The following RRP7A variants were observed in gnomAD, a reference collection of about 807,000 sequenced individuals.
RRP7A encodes ribosomal RNA-processing protein 7 homolog A.
RRP7A carries 27 observed loss-of-function variants against 38.4 expected under a neutral mutation model. That is an observed-to-expected ratio of 0.70 (90% CI 0.52 to 0.97). RRP7A has a LOEUF of 0.97. Ranked by LOEUF, RRP7A falls within the 50% of genes least tolerant of loss-of-function variation. The pLI, the probability that RRP7A is intolerant of heterozygous loss-of-function variation, is 0.00. For missense variants in RRP7A, 327 were observed against 375.4 expected, an observed-to-expected ratio of 0.87 and a Z score of 1.07; for synonymous variants, 124 against 150.3, an observed-to-expected ratio of 0.83 and a Z score of 1.28.
At position 42,510,618 on chromosome 22, in the gene RRP7A, C is replaced by A; in HGVS notation, c.*2292G>T. Reference sequence around the variant, plus strand: ...AGATGAACCCCAACAACCCCCAACTCCTCACTTTCCAGAGCAGTCCACGGA... The same window carrying A: ...AGATGAACCCCAACAACCCCCAACTACTCACTTTCCAGAGCAGTCCACGGA... On this transcript the variant is annotated 3_prime_UTR_variant, in exon 7 of 7. Transcript: ENST00000323013. 2 of 1,154,696 alleles carry A rather than the reference C, an allele frequency of 1.7e-6. No homozygotes were observed. Among genetic ancestry groups the A allele is most frequent in the Non-Finnish European group, 2.4e-6 (2 of 820,268 alleles). The allele number at this position is 1,154,696 out of a possible 1,614,324, so 71.5% of individuals were successfully genotyped here.
chr22:42,514,680 A>C lies in RRP7A; in HGVS notation c.558+2T>G. The C allele has an allele frequency of 1.2e-6, 2 of 1,602,000 alleles. No individual in the cohort carries two copies. ...GCTCGGCCGACCCCGCGGGGCCTCT[A>C]CCTCAGCGATCTTCTGGTCATATGC... On this transcript the variant is annotated splice_donor_variant, in intron 5 of 6. Coordinates refer to ENST00000323013, the MANE Select transcript of RRP7A (RefSeq NM_015703.5). LOFTEE classifies it high-confidence loss of function.
chr22:42,508,489 C>T lies in RRP7A; in HGVS notation c.*4421G>A, dbSNP rs778346187. On this transcript the variant is annotated 3_prime_UTR_variant, in exon 7 of 7. Coordinates refer to ENST00000323013, the MANE Select transcript of RRP7A (RefSeq NM_015703.5). Reference sequence around the variant, plus strand: ...ATCTCACTCAAGCTGGCCACATCCCCGCCATCCAGACGTAAAACAGTCACA... The same window carrying T: ...ATCTCACTCAAGCTGGCCACATCCCTGCCATCCAGACGTAAAACAGTCACA... Among the ~76,000 whole-genome samples, 5 of 152,148 alleles carry T rather than the reference C, an allele frequency of 3.3e-5. No homozygotes were observed. Among genetic ancestry groups the T allele is most frequent in the African/African-American group, 7.2e-5 (3 of 41,402 alleles).
Position 42,514,177 on chromosome 22 carries a change from T to G in RRP7A, c.686A>C (p.Glu229Ala). The G allele has an allele frequency of 6.2e-7, 1 of 1,612,944 alleles. No homozygotes were observed. ...CTCTTTTCGGCTGCGCTTCCGTCTC[T>G]CCCTCTCCAGCACCCGCAAGCTGGC... ...EAASLRVLER[E>A]RRKRSRKELL... The change falls in exon 6 of 7, where the codon GAG becomes GCG. Residue 229 changes from glutamate to alanine, a missense_variant. Glu to Ala is a moderately radical substitution (Grantham distance 107). Around this residue, in one of 5 missense-constraint regions of RRP7A, gnomAD observed 84 missense variants for 82.8 expected, o/e 1.01. Transcript: ENST00000323013.
rs2146614855 is a variant in RRP7A at position 42,509,925 on chromosome 22, T to C, written c.*2985A>G. On this transcript the variant is annotated 3_prime_UTR_variant, in exon 7 of 7. Coordinates refer to ENST00000323013, the MANE Select transcript of RRP7A (RefSeq NM_015703.5). ...GATGAAAATGTAATTGTGACGATGG[T>C]CTCACAACTCAATGTATTAAAAACC... The C allele has an allele frequency of 6.7e-6, 1 of 150,310 alleles. No individual in the cohort carries two copies. Among genetic ancestry groups the C allele is most frequent in the South Asian group, 2.1e-4 (1 of 4,732 alleles). 9.3% of individuals were successfully genotyped at this position (150,310 alleles called of 1,614,324 possible). A position where few individuals can be genotyped will look rare whatever the true frequency, so the allele number is the denominator to read the frequency against.
Position 42,512,250 on chromosome 22 carries a change from A to C in RRP7A, c.*660T>G. ...AGCCCAGCTGTAGCTCTGGGCCTGG[A>C]ACTATGAAGACCTAGTGCTCCCAGA... On this transcript the variant is annotated 3_prime_UTR_variant, in exon 7 of 7. Coordinates refer to ENST00000323013, the MANE Select transcript of RRP7A (RefSeq NM_015703.5). 3 of 1,611,002 alleles carry C rather than the reference A, an allele frequency of 1.9e-6. No individual in the cohort carries two copies. The highest frequency in any genetic ancestry group is 2.5e-6 in the Non-Finnish European group (3 of 1,177,546).
chr22:42,515,554 CAG>C (rs1235944273), intron 3 of RRP7A, among the ~76,000 whole-genome samples: 14 of 152,224 alleles, frequency 9.2e-5, no homozygotes, highest in South Asian at 4.1e-4. Flanking sequence ...CGGTGAAACA[CAG>C]GGGTCGCCCT....
At chr22:42,514,379 C>A in intron 5 of RRP7A, 75 bp from the exon 6 acceptor site, 1 of 1,116,966 alleles carries the variant, frequency 9.0e-7, no homozygotes, top group Non-Finnish European at 1.3e-6. Flanking sequence ...CGCCCTCCTC[C>A]CAAAGTCAGA....
At chr22:42,518,838 G>C (rs1162814960) in intron 1 of RRP7A, 5 of 455,598 alleles carry the variant, frequency 1.1e-5, no homozygotes, top group Admixed American at 4.8e-5. Context: ...GTACCGGTTG[G>C]CGTAGAGCTG....
chr22:42,517,951 T>A, intron 2 of RRP7A, 54 bp downstream of exon 2: 1 of 1,586,276 alleles, frequency 6.3e-7, no homozygotes, highest in Non-Finnish European at 8.6e-7. Context: ...GTGGAGGCCA[T>A]GGGAGCCCCC....
chr22:42,511,583 C>CTTT lies in RRP7A; in HGVS notation c.*1326_*1327insAAA. ...TGGCTGTAGGTGGGGATGGCCTTTG[C>CTTT]CCGGGTTCCTGGGAGCACCTGGTGT... On this transcript the variant is annotated 3_prime_UTR_variant, in exon 7 of 7. Transcript: ENST00000323013. The CTTT allele has an allele frequency of 6.1e-6, 1 of 164,592 alleles. No individual in the cohort carries two copies. The highest frequency in any genetic ancestry group is 1.3e-5 in the Non-Finnish European group (1 of 76,276). The allele number at this position is 164,592 out of a possible 1,614,324, so 10.2% of individuals were successfully genotyped here. A position where few individuals can be genotyped will look rare whatever the true frequency, so the allele number is the denominator to read the frequency against.
rs143684973 is a variant in RRP7A at position 42,512,929 on chromosome 22, C to T, written c.824G>A (p.Arg275His). Residue 275 changes from arginine (R) to histidine (H), a missense_variant, in exon 7 of 7, where the codon CGC becomes CAC. By Grantham distance (29) the Arg-to-His change is conservative. This residue lies in a region of RRP7A where 84 missense variants were observed against 82.8 expected (regional missense o/e 1.01). Transcript: ENST00000323013. Reference sequence around the variant, plus strand: ...CACAGCTCAGTACGGTCGGAATTTGCGCTGGGCCCGCAGCAGCTCGATCCT... The same window carrying T: ...CACAGCTCAGTACGGTCGGAATTTGTGCTGGGCCCGCAGCAGCTCGATCCT... ...KQRIELLRAQ[R>H]KFRPY 5.0e-4 allele frequency: 813 copies of T among 1,613,396 alleles called. 7 individuals carry two copies. Among genetic ancestry groups the T allele is most frequent in the Admixed American group, 1.7e-3 (104 of 59,998 alleles).
rs912446561 is a variant in RRP7A at position 42,508,479 on chromosome 22, G to A, written c.*4431C>T. Among the ~76,000 whole-genome samples, 21 of 152,084 alleles carry A rather than the reference G, an allele frequency of 1.4e-4. No homozygotes were observed. Among genetic ancestry groups the A allele is most frequent in the African/African-American group, 5.1e-4 (21 of 41,374 alleles). On this transcript the variant is annotated 3_prime_UTR_variant, in exon 7 of 7. Transcript: ENST00000323013. The stretch of plus-strand genomic sequence containing the variant: ...CCTACAGCACATCTCACTCAAGCTG[G>A]CCACATCCCCGCCATCCAGACGTAA...
At position 42,514,694 on chromosome 22, in the gene RRP7A, C is replaced by T; in HGVS notation, c.546G>A (p.Gln182=). 6.2e-7 allele frequency: 1 copy of T among 1,609,168 alleles called. No individual in the cohort carries two copies. The highest frequency in any genetic ancestry group is 8.5e-7 in the Non-Finnish European group (1 of 1,176,454). Residue 182 remains glutamine (Q), a synonymous_variant, in exon 5 of 7, where the codon CAG becomes CAA. Coordinates refer to ENST00000323013, the MANE Select transcript of RRP7A (RefSeq NM_015703.5). The stretch of plus-strand genomic sequence containing the variant: ...GCGGGGCCTCTACCTCAGCGATCTT[C>T]TGGTCATATGCCTCCATGAACGTGT... The part of the protein sequence containing the change: ...EVDTFMEAYD[Q]KIAEEEAKAK...
chr22:42,512,652 G>A lies in RRP7A; in HGVS notation c.*258C>T, dbSNP rs1172834325. The A allele has an allele frequency of 1.7e-6, 1 of 590,808 alleles. No individual in the cohort carries two copies. Among genetic ancestry groups the A allele is most frequent in the Non-Finnish European group, 3.0e-6 (1 of 330,458 alleles). The allele number at this position is 590,808 out of a possible 1,614,324, so 36.6% of individuals were successfully genotyped here. On this transcript the variant is annotated 3_prime_UTR_variant, in exon 7 of 7. Transcript: ENST00000323013. ...GATTCATCCAGGGTCCTGGAGAGGA[G>A]GGTGTGGAGGCAAGAAGCAGGAAGG...
In RRP7A at chr22:42,509,628, C is replaced by A. The variant is rs1001457710; in HGVS notation, c.*3282G>T. On this transcript the variant is annotated 3_prime_UTR_variant, in exon 7 of 7. Coordinates refer to ENST00000323013, the MANE Select transcript of RRP7A (RefSeq NM_015703.5). ...ACAGGCGAGAGCCACCGTGCGTGGC[C>A]CACCATAGACGATTTTTAAGCCATA... is the stretch of plus-strand genomic sequence containing the variant. Among the ~76,000 whole-genome samples the A allele has an allele frequency of 2.6e-5, 4 of 151,908 alleles. No individual in the cohort carries two copies. The highest frequency in any genetic ancestry group is 2.0e-4 in the Admixed American group (3 of 15,222).
chr22:42,511,330 C>T lies in RRP7A; in HGVS notation c.*1580G>A, dbSNP rs1364285475. Reference sequence around the variant, plus strand: ...TAGCTGGGATTACAGGCACCTGCCACCATGCCCAGCTAATTTTTATATTTT... The same window carrying T: ...TAGCTGGGATTACAGGCACCTGCCATCATGCCCAGCTAATTTTTATATTTT... On this transcript the variant is annotated 3_prime_UTR_variant, in exon 7 of 7. Transcript: ENST00000323013. The T allele has an allele frequency of 6.6e-6, 1 of 152,306 alleles. No homozygotes were observed. The highest frequency in any genetic ancestry group is 2.4e-5 in the African/African-American group (1 of 41,434). The allele number at this position is 152,306 out of a possible 1,614,324, so 9.4% of individuals were successfully genotyped here.
intron 2 of RRP7A, 188 bp from the exon 3 acceptor site, chr22:42,516,324 G>C: frequency 1.3e-6 from 1 of 748,348 alleles, no homozygotes; most frequent in East Asian, 3.1e-5. Context: ...TATGGAGGTT[G>C]ATATTCCTGC....
At position 42,510,883 on chromosome 22, in the gene RRP7A, C is replaced by G; in HGVS notation, c.*2027G>C. 3.7e-6 allele frequency: 3 copies of G among 813,982 alleles called. No individual in the cohort carries two copies. Among genetic ancestry groups the G allele is most frequent in the Non-Finnish European group, 4.8e-6 (3 of 628,842 alleles). The allele number at this position is 813,982 out of a possible 1,614,324, so 50.4% of individuals were successfully genotyped here. A position where few individuals can be genotyped will look rare whatever the true frequency, so the allele number is the denominator to read the frequency against. On this transcript the variant is annotated 3_prime_UTR_variant, in exon 7 of 7. Transcript: ENST00000323013. ...CAGGCCTCATGCTCCAGTGATCAGT[C>G]CCTAGAGGCCTGGGGACACATGTAA...
In RRP7A at chr22:42,508,739, T is replaced by A. The variant is rs564237480; in HGVS notation, c.*4171A>T. 6.6e-6 allele frequency among the ~76,000 whole-genome samples: 1 copy of A among 152,238 alleles called. No individual in the cohort carries two copies. The highest frequency in any genetic ancestry group is 1.5e-5 in the Non-Finnish European group (1 of 68,036). On this transcript the variant is annotated 3_prime_UTR_variant, in exon 7 of 7. Transcript: ENST00000323013. ...GTGGCCCAACTCACTTCTCTGACTTTAATCACACAGCCATACCTGGTGGCA... is the reference window on the plus strand; with the variant it reads ...GTGGCCCAACTCACTTCTCTGACTTAAATCACACAGCCATACCTGGTGGCA...
Sources: gnomAD v4.1 joint callset for allele counts (sites outside exome capture counted in the v4.1 genomes callset) on GRCh38, gnomAD v4.1.1 for gene constraint, gnomAD v4.1.1 regional missense constraint, MANE v1.5 for transcripts, NCBI Gene and HGNC (gene_info 2026-07-23, HGNC 2026-07-21) for gene names.